Variants in FAM13C observed in about 807,000 individuals in gnomAD.
FAM13C encodes the protein protein FAM13C.
A neutral mutation model predicts 73.2 loss-of-function variants in FAM13C; 37 were observed. The observed-to-expected ratio is 0.51, with a 90% CI of 0.39 to 0.67. FAM13C has a LOEUF of 0.67. Ranked by LOEUF, FAM13C falls within the 30% of genes least tolerant of loss-of-function variation. The pLI, the probability that FAM13C is intolerant of heterozygous loss-of-function variation, is 0.00. For missense variants in FAM13C, 589 were observed against 715.6 expected, an observed-to-expected ratio of 0.82 and a Z score of 2.02; for synonymous variants, 246 against 260.9, an observed-to-expected ratio of 0.94 and a Z score of 0.55.
At chr10:59,351,975 G>A (rs1022183272) in intron 3 of FAM13C, among the ~76,000 whole-genome samples, 2 of 151,868 alleles carry the variant, frequency 1.3e-5, no homozygotes, top group African/African-American at 4.8e-5. Context: ...CAGCCTGGGG[G>A]ATAGAACGAA....
intron 8 of FAM13C, among the ~76,000 whole-genome samples, chr10:59,265,153 C>T (rs1239838295): frequency 2.6e-5 from 4 of 151,758 alleles, no homozygotes; most frequent in Non-Finnish European, 5.9e-5. Flanking sequence ...TTTAGGTATG[C>T]TCATTGTAAA....
intron 3 of FAM13C, among the ~76,000 whole-genome samples, chr10:59,342,239 C>A (rs1242377085): frequency 2.0e-5 from 3 of 152,010 alleles, no homozygotes; most frequent in African/African-American, 7.2e-5. Flanking sequence ...GAGTGAGCAG[C>A]TTTTTCCAGG....
chr10:59,264,203 G>T, intron 8 of FAM13C, 37 bp from the exon 9 acceptor site: 1 of 1,434,376 alleles, frequency 7.0e-7, no homozygotes, highest in South Asian at 1.1e-5. Flanking sequence ...TGGAAGGGAG[G>T]GAAGGAGGGA....
At chr10:59,342,630 A>T (rs1375720905) in intron 3 of FAM13C, among the ~76,000 whole-genome samples, 1 of 152,226 alleles carries the variant, frequency 6.6e-6, no homozygotes, top group Non-Finnish European at 1.5e-5. Flanking sequence ...TGTTTATCTG[A>T]AATTCAAATT....
At position 59,341,722 on chromosome 10, in the gene FAM13C, C is replaced by G. The variant is rs558713604; in HGVS notation, c.324+10548G>C. On this transcript the variant is annotated intron_variant, in intron 3 of 13. Coordinates refer to ENST00000618804, the MANE Select transcript of FAM13C (RefSeq NM_198215.4). ...AAAGGAAAAAGAAAGAAAGAAATCC[C>G]CTAATTGTGGCCACAACTGATAAGC... 3.3e-4 allele frequency among the ~76,000 whole-genome samples: 50 copies of G among 152,038 alleles called. 1 individual carries two copies. Among genetic ancestry groups the G allele is most frequent in the Non-Finnish European group, 4.6e-4 (31 of 67,948 alleles).
At chr10:59,329,025 C>T (rs1046161538) in intron 3 of FAM13C, among the ~76,000 whole-genome samples, 1 of 151,992 alleles carries the variant, frequency 6.6e-6, no homozygotes, top group Non-Finnish European at 1.5e-5. Context: ...TGTTTATACC[C>T]GGATAAAAGA....
intron 3 of FAM13C, among the ~76,000 whole-genome samples, chr10:59,340,946 CTGGGT>C (rs1264638998): frequency 1.1e-4 from 16 of 152,004 alleles, no homozygotes; most frequent in Admixed American, 1.3e-4. Flanking sequence ...ACCACGCTCT[CTGGGT>C]TCCTAAATCA....
At chr10:59,323,667 T>C (rs946551544) in intron 4 of FAM13C, among the ~76,000 whole-genome samples, 1 of 152,092 alleles carries the variant, frequency 6.6e-6, no homozygotes, top group African/African-American at 2.4e-5. Flanking sequence ...CAAAGGAAAA[T>C]CTAATTCCCT....
At chr10:59,285,532 T>C (rs750505112) in intron 5 of FAM13C, among the ~76,000 whole-genome samples, 12 of 152,214 alleles carry the variant, frequency 7.9e-5, no homozygotes, top group Non-Finnish European at 1.8e-4. Context: ...CAAAACAGAA[T>C]GATGGGCTCC....
chr10:59,319,120 T>A (rs868641059), intron 4 of FAM13C, among the ~76,000 whole-genome samples: 3 of 104,818 alleles, frequency 2.9e-5, no homozygotes, highest in African/African-American at 1.3e-4. Context: ...CACACACACA[T>A]TGTCTATCTC....
Position 59,355,884 on chromosome 10 carries a change from T to C in FAM13C, c.119+3A>G. On this transcript the variant is annotated splice_donor_region_variant and intron_variant, in intron 2 of 13. Transcript: ENST00000618804. ...ATATGAACCAAGCAATGGTGGCTTT[T>C]ACCTGAGACTGGAGCAATCAGTCTG... is the stretch of plus-strand genomic sequence containing the variant. 1 of 1,613,920 alleles carries C rather than the reference T, an allele frequency of 6.2e-7. No individual in the cohort carries two copies. Among genetic ancestry groups the C allele is most frequent in the Non-Finnish European group, 8.5e-7 (1 of 1,179,824 alleles).
intron 6 of FAM13C, among the ~76,000 whole-genome samples, chr10:59,281,862 T>G (rs1368078968): frequency 6.6e-6 from 1 of 152,216 alleles, no homozygotes; most frequent in Non-Finnish European, 1.5e-5. Flanking sequence ...GTATAGTTAA[T>G]CCAAATCATC....
chr10:59,323,883 G>C, intron 4 of FAM13C, 105 bp downstream of exon 4: 1 of 993,590 alleles, frequency 1.0e-6, no homozygotes, highest in Non-Finnish European at 1.6e-6. Flanking sequence ...AGGAATGCCA[G>C]CAAAAGTCAG....
chr10:59,291,705 T>A (rs1846239490), intron 5 of FAM13C, among the ~76,000 whole-genome samples: 1 of 152,090 alleles, frequency 6.6e-6, no homozygotes. Context: ...CTCATTATGA[T>A]ATCCTTGTTA....
intron 6 of FAM13C, chr10:59,282,441 T>G (rs1366043551): frequency 6.6e-6 from 1 of 152,174 alleles, no homozygotes; most frequent in Non-Finnish European, 1.5e-5. Flanking sequence ...TACTTTTAAT[T>G]TGGGCATATA....
chr10:59,315,270 G>T, intron 4 of FAM13C, among the ~76,000 whole-genome samples: 1 of 152,050 alleles, frequency 6.6e-6, no homozygotes. Flanking sequence ...CTAAAATATG[G>T]ATTTCTGTCT....
intron 4 of FAM13C, among the ~76,000 whole-genome samples, chr10:59,308,298 C>T (rs943846785): frequency 6.6e-6 from 1 of 152,070 alleles, no homozygotes. Flanking sequence ...ATATCTCCAA[C>T]CATCACCACC....
At chr10:59,333,129 C>T (rs560812595) in intron 3 of FAM13C, among the ~76,000 whole-genome samples, 122 of 152,174 alleles carry the variant, frequency 8.0e-4, no homozygotes, top group African/African-American at 2.8e-3. Context: ...GCATACGTTA[C>T]CATGCCAGGC....
intron 4 of FAM13C, among the ~76,000 whole-genome samples, chr10:59,321,022 T>C (rs1222340209): frequency 1.3e-5 from 2 of 152,226 alleles, no homozygotes; most frequent in African/African-American, 4.8e-5. Context: ...GAGAGTCTGA[T>C]ACATGTTTTA....
Sources: allele counts gnomAD v4.1 joint callset (sites outside exome capture counted in the v4.1 genomes callset), GRCh38; gene constraint gnomAD v4.1.1; transcripts MANE v1.5; gene names NCBI Gene and HGNC (gene_info 2026-07-23, HGNC 2026-07-21).